YY1: variants seen among roughly 807,000 people sequenced by gnomAD.
YY1 encodes transcriptional repressor protein YY1.
In YY1, 2 loss-of-function variants were observed where a neutral mutation model predicts 35.6. That is an observed-to-expected ratio of 0.06 (90% confidence interval 0.02 to 0.18). YY1 has a LOEUF of 0.18. YY1 is among the 10% of genes least tolerant of loss of function. The pLI is 1.00. For synonymous variants in YY1, 268 were observed against 238.9 expected (o/e 1.12, Z -1.12); for missense variants, 322 against 573.4 (o/e 0.56, Z 4.48).
At chr14:100,255,409 A>G (rs1280540704) in intron 1 of YY1, among the ~76,000 whole-genome samples, 1 of 152,088 alleles carries the variant, frequency 6.6e-6, no homozygotes, top group Non-Finnish European at 1.5e-5. Context: ...ACCTGAGATC[A>G]GGAGTTAGAG....
At chr14:100,240,061 G>C (rs1483113743) in intron 1 of YY1, 138 bp downstream of exon 1, 1 of 809,432 alleles carries the variant, frequency 1.2e-6, no homozygotes, top group African/African-American at 1.8e-5. Flanking sequence ...GCCGTGCGGC[G>C]GCGGGGGCGC....
At position 100,282,347 on chromosome 14, in the gene YY1, T is replaced by TGCTCTGTTCTGTCTGCTGC. The variant is rs1891450404; in HGVS notation, c.*4748_*4766dup. ...GTGTTGAGGAGGGGGCAGTTTGCTG[T>TGCTCTGTTCTGTCTGCTGC]GCTCTGTTCTGTCTGCTGCTCTCTC... On this transcript the variant is annotated 3_prime_UTR_variant, in exon 5 of 5. Transcript: ENST00000262238. The TGCTCTGTTCTGTCTGCTGC allele has an allele frequency of 6.6e-6, 1 of 151,274 alleles. No homozygotes were observed. The highest frequency in any genetic ancestry group is 2.4e-5 in the African/African-American group (1 of 41,208). The allele number at this position is 151,274 out of a possible 1,614,324, so 9.4% of individuals were successfully genotyped here. A position where few individuals can be genotyped will look rare whatever the true frequency, so the allele number is the denominator to read the frequency against.
chr14:100,270,045 G>A (rs983425440), intron 2 of YY1, among the ~76,000 whole-genome samples: 2 of 150,922 alleles, frequency 1.3e-5, no homozygotes, highest in African/African-American at 2.4e-5. Context: ...GGTGGATCAC[G>A]AGGTCAGGAG....
At chr14:100,248,836 C>A (rs1890877509) in intron 1 of YY1, among the ~76,000 whole-genome samples, 1 of 151,724 alleles carries the variant, frequency 6.6e-6, no homozygotes, top group African/African-American at 2.4e-5. Context: ...TACAGGCGCC[C>A]ACCACCATAC....
intron 1 of YY1, 130 bp from the exon 2 acceptor site, chr14:100,262,174 A>T: frequency 2.1e-5 from 19 of 895,014 alleles, no homozygotes; most frequent in Middle Eastern, 3.6e-4. Flanking sequence ...AAAAAAAAAA[A>T]GGGAGAGGGG....
chr14:100,248,297 A>AT (rs1260658474), intron 1 of YY1, among the ~76,000 whole-genome samples: 1 of 150,230 alleles, frequency 6.7e-6, no homozygotes, highest in Non-Finnish European at 1.5e-5. Flanking sequence ...TTTTCTTTGT[A>AT]TTTTTTAGTA....
Position 100,272,969 on chromosome 14 carries a change from T to TG in YY1, c.843-1729_843-1728insG, listed in dbSNP as rs1340403081. 2.0e-5 allele frequency among the ~76,000 whole-genome samples: 3 copies of TG among 149,952 alleles called. No homozygotes were observed. In the South Asian group the frequency reaches 6.4e-4, roughly 32 times the overall value. On this transcript the variant is annotated intron_variant, in intron 2 of 4. Coordinates refer to ENST00000262238, the MANE Select transcript of YY1 (RefSeq NM_003403.5). ...GTTTTTTGTTGTTTTTTTTTTGTTT[T>TG]TTTTTTTTTGAGACGGTATTTCCTT...
At chr14:100,240,221 G>GCTCGCTCCCCGACGCC (rs1266179625) in intron 1 of YY1, among the ~76,000 whole-genome samples, 4 of 143,338 alleles carry the variant, frequency 2.8e-5, no homozygotes, top group Admixed American at 1.4e-4. Flanking sequence ...GGGCCGGCGC[G>GCTCGCTCCCCGACGCC]CTCGCTCCCC....
chr14:100,257,978 T>C (rs1200462827), intron 1 of YY1, among the ~76,000 whole-genome samples: 1 of 151,782 alleles, frequency 6.6e-6, no homozygotes, highest in Non-Finnish European at 1.5e-5. Flanking sequence ...CTACAAAAAA[T>C]AAAATTAGCT....
Position 100,277,264 on chromosome 14 carries a change from G to A in YY1, c.1063-154G>A. ...TTCGGGGTTGTCCAACCTGCCTGCT[G>A]ATTCTAGACTATATCCACAAAGTTC... On this transcript the variant is annotated intron_variant, in intron 4 of 4. Transcript: ENST00000262238. This position sits in a 1 kb window ranked among gnomAD's most constrained non-coding sequence, Gnocchi z 5.6. 1.0e-6 allele frequency: 1 copy of A among 978,922 alleles called. No individual in the cohort carries two copies. The highest frequency in any genetic ancestry group is 2.6e-5 in the East Asian group (1 of 38,850). The allele number at this position is 978,922 out of a possible 1,614,324, so 60.6% of individuals were successfully genotyped here.
At chr14:100,263,783 C>T (rs1449460356) in intron 2 of YY1, 1 of 152,042 alleles carries the variant, frequency 6.6e-6, no homozygotes, top group Non-Finnish European at 1.5e-5. Context: ...TCCTGGCTTC[C>T]TTCTTGGCCC....
chr14:100,266,571 A>G (rs1364449080), intron 2 of YY1, among the ~76,000 whole-genome samples: 1 of 152,140 alleles, frequency 6.6e-6, no homozygotes, highest in African/African-American at 2.4e-5. Context: ...TTGGGAAGGT[A>G]ACATGGCTAC....
At chr14:100,268,245 G>A in intron 2 of YY1, among the ~76,000 whole-genome samples, 1 of 152,186 alleles carries the variant, frequency 6.6e-6, no homozygotes, top group East Asian at 1.9e-4. Context: ...AGTATTTCAG[G>A]CTCATGCTGC....
intron 2 of YY1, among the ~76,000 whole-genome samples, chr14:100,270,557 A>C (rs571161051): frequency 1.3e-5 from 2 of 152,026 alleles, no homozygotes; most frequent in African/African-American, 2.4e-5. Context: ...CAGGAGGCGG[A>C]GGTTGCAGTG....
At chr14:100,244,288 C>T (rs1247179628) in intron 1 of YY1, among the ~76,000 whole-genome samples, 2 of 147,628 alleles carry the variant, frequency 1.4e-5, no homozygotes, top group Admixed American at 6.8e-5. Flanking sequence ...CTTATAGGAT[C>T]CTTAGAGATT....
intron 1 of YY1, among the ~76,000 whole-genome samples, chr14:100,253,279 T>C (rs1890951022): frequency 6.6e-6 from 1 of 152,222 alleles, no homozygotes; most frequent in Non-Finnish European, 1.5e-5. Context: ...TCAATAGAAA[T>C]CAGTAACATT....
intron 1 of YY1, among the ~76,000 whole-genome samples, chr14:100,259,994 A>G (rs1891057921): frequency 6.6e-6 from 1 of 152,030 alleles, no homozygotes; most frequent in African/African-American, 2.4e-5. Flanking sequence ...GTGAAAATCA[A>G]TTAAGAAACT....
At chr14:100,255,283 C>G (rs952268684) in intron 1 of YY1, among the ~76,000 whole-genome samples, 4 of 152,032 alleles carry the variant, frequency 2.6e-5, no homozygotes, top group Non-Finnish European at 5.9e-5. Flanking sequence ...CTTAGACCAA[C>G]AAAATATGTT....
chr14:100,282,494 G>A lies in YY1; in HGVS notation c.*4894G>A, dbSNP rs189088692. The A allele has an allele frequency of 3.3e-5, 5 of 152,208 alleles. No homozygotes were observed. The East Asian group carries it at 9.7e-4, about 29-fold the overall frequency. The allele number at this position is 152,208 out of a possible 1,614,324, so 9.4% of individuals were successfully genotyped here. ...ATGTGAGGCTCTATTATCAACAGGT[G>A]GTGAGAAAAATTATGTTTTTATTCG... On this transcript the variant is annotated 3_prime_UTR_variant, in exon 5 of 5. Coordinates refer to ENST00000262238, the MANE Select transcript of YY1 (RefSeq NM_003403.5).
Sources: gnomAD v4.1 joint callset for allele counts (sites outside exome capture counted in the v4.1 genomes callset) on GRCh38, gnomAD v4.1.1 for gene constraint, Gnocchi (gnomAD v3.1) non-coding constraint, MANE v1.5 for transcripts, NCBI Gene and HGNC (gene_info 2026-07-23, HGNC 2026-07-21) for gene names.